GARNL3: variants seen among roughly 807,000 people sequenced by gnomAD.
The protein encoded by GARNL3 is GTPase activating Rap/RanGAP domain like 3.
Under a neutral mutation model 125.0 loss-of-function variants are expected in GARNL3, and 63 were observed. That is an observed-to-expected ratio of 0.50 (90% CI 0.41 to 0.62). GARNL3 has a LOEUF of 0.62. GARNL3 is among the 20% of genes least tolerant of loss of function. The pLI, the probability that GARNL3 is intolerant of heterozygous loss-of-function variation, is 0.00. For synonymous variants in GARNL3, 439 were observed against 457.5 expected (o/e 0.96, Z 0.52); for missense variants, 994 against 1,244.0 (o/e 0.80, Z 3.02).
rs115280613 is a variant in GARNL3 at position 127,369,678 on chromosome 9, G to A, written c.2161+4312G>A. Reference sequence around the variant, plus strand: ...AAAGCAGGGGGAGCACTTTTTCACAGGGGTTGTGAGGCGGTGGGAGAAGAG... The same window carrying A: ...AAAGCAGGGGGAGCACTTTTTCACAAGGGTTGTGAGGCGGTGGGAGAAGAG... On this transcript the variant is annotated intron_variant, in intron 22 of 27. Coordinates refer to ENST00000373387, the MANE Select transcript of GARNL3 (RefSeq NM_032293.5). Among the ~76,000 whole-genome samples, 694 of 152,334 alleles carry A rather than the reference G, an allele frequency of 4.6e-3. 1 individual carries two copies. The highest frequency in any genetic ancestry group is 0.016 in the African/African-American group (665 of 41,566).
At chr9:127,378,468 TC>T (rs897716008) in intron 22 of GARNL3, among the ~76,000 whole-genome samples, 1 of 151,056 alleles carries the variant, frequency 6.6e-6, no homozygotes, top group Non-Finnish European at 1.5e-5. Context: ...GTGCCTGTAA[TC>T]CCAGCTATTC....
intron 1 of GARNL3, among the ~76,000 whole-genome samples, chr9:127,267,729 A>G (rs185548343): frequency 4.2e-4 from 64 of 152,354 alleles, no homozygotes; most frequent in African/African-American, 1.5e-3. Context: ...ATTAAATTAC[A>G]AACCATTATG....
chr9:127,283,799 T>TTTG (rs565876774), intron 1 of GARNL3, among the ~76,000 whole-genome samples: 5 of 152,120 alleles, frequency 3.3e-5, no homozygotes, highest in Non-Finnish European at 5.9e-5. Flanking sequence ...CTTAAGTCGT[T>TTTG]TTGTTGTTGT....
Position 127,243,136 on chromosome 9 carries a change from GA to G in GARNL3, c.31del (p.Ser11ValfsTer3). ...ACCCGTTAACGAAGGTGCCTTGTGGGAGTCAGATAGCACAAACCATTCTATG... is the reference window on the plus strand; with the variant it reads ...ACCCGTTAACGAAGGTGCCTTGTGGGGTCAGATAGCACAAACCATTCTATG... On this transcript the variant is annotated frameshift_variant, in exon 2 of 11. Transcript: ENST00000439286. LOFTEE classifies it high-confidence loss of function. The G allele has an allele frequency of 7.3e-7, 1 of 1,365,652 alleles. No homozygotes were observed. The highest frequency in any genetic ancestry group is 9.8e-7 in the Non-Finnish European group (1 of 1,021,438). The allele number at this position is 1,365,652 out of a possible 1,614,324, so 84.6% of individuals were successfully genotyped here. A position where few individuals can be genotyped will look rare whatever the true frequency, so the allele number is the denominator to read the frequency against.
chr9:127,373,591 C>A (rs1322397845), intron 22 of GARNL3, among the ~76,000 whole-genome samples: 1 of 151,972 alleles, frequency 6.6e-6, no homozygotes, highest in Admixed American at 6.6e-5. Flanking sequence ...ATAGTGAGAC[C>A]CTGGTCTCTA....
At chr9:127,327,496 G>T (rs572883088) in intron 7 of GARNL3, among the ~76,000 whole-genome samples, 1 of 152,174 alleles carries the variant, frequency 6.6e-6, no homozygotes, top group African/African-American at 2.4e-5. Flanking sequence ...AATTGTTGGC[G>T]GGAGTTGCTT....
intron 2 of GARNL3, among the ~76,000 whole-genome samples, chr9:127,293,816 T>TAGGG (rs1272112607): frequency 6.6e-6 from 1 of 152,182 alleles, no homozygotes; most frequent in Non-Finnish European, 1.5e-5. Flanking sequence ...TGCTTTTTGG[T>TAGGG]AGGGAGGACT....
chr9:127,306,845 G>C (rs1032854065), intron 2 of GARNL3, among the ~76,000 whole-genome samples: 3 of 151,904 alleles, frequency 2.0e-5, no homozygotes, highest in African/African-American at 7.3e-5. Flanking sequence ...AGATCACGCC[G>C]CTGCACTCCA....
intron 27 of GARNL3, 111 bp downstream of exon 27, chr9:127,390,878 C>T: frequency 9.1e-7 from 1 of 1,100,818 alleles, no homozygotes; most frequent in Non-Finnish European, 1.3e-6. Flanking sequence ...CTGGCAGCTA[C>T]AGCAGAGGGC....
intron 1 of GARNL3, among the ~76,000 whole-genome samples, chr9:127,241,913 G>A (rs557631329): frequency 3.9e-5 from 6 of 152,164 alleles, no homozygotes; most frequent in East Asian, 1.9e-4. Flanking sequence ...GATTACAGGC[G>A]TGAGCCACTA....
chr9:127,280,027 G>C lies in GARNL3; in HGVS notation c.145-11141G>C, dbSNP rs1405423732. ...GGCTTTTTGCTGCTCTGTACCAGCG[G>C]CTCTAGAATTTATACATAACAGGGG... On this transcript the variant is annotated intron_variant, in intron 1 of 27. Transcript: ENST00000373387. This position sits in a 1 kb window ranked among gnomAD's most constrained non-coding sequence, Gnocchi z 4.5. Among the ~76,000 whole-genome samples, 1 of 152,138 alleles carries C rather than the reference G, an allele frequency of 6.6e-6. No individual in the cohort carries two copies. The highest frequency in any genetic ancestry group is 2.4e-5 in the African/African-American group (1 of 41,414).
chr9:127,244,747 C>A (rs1029438108), intron 2 of GARNL3, among the ~76,000 whole-genome samples: 1 of 152,204 alleles, frequency 6.6e-6, no homozygotes, highest in East Asian at 1.9e-4. Flanking sequence ...GGAACGTAAA[C>A]GGGTCACATC....
chr9:127,286,531 G>A (rs62578793), intron 1 of GARNL3, among the ~76,000 whole-genome samples: 21,019 of 151,980 alleles, frequency 0.14, 1,880 homozygotes, highest in East Asian at 0.21. Flanking sequence ...TCCTCTATTT[G>A]TCTCAAACTG....
Position 127,354,306 on chromosome 9 carries a change from G to C in GARNL3, c.1655G>C (p.Arg552Pro). The change falls in exon 19 of 28, where the codon CGC becomes CCC. Residue 552 changes from arginine (R) to proline (P), a missense_variant. Arg to Pro is a moderately radical substitution (Grantham distance 103, BLOSUM62 -2). Around this residue, in one of 5 missense-constraint regions of GARNL3, gnomAD observed 728 missense variants for 865.7 expected, o/e 0.84. Transcript: ENST00000373387. Reference sequence around the variant, plus strand: ...TTTATGTCACCAGGAAAAGATGCTCGCCTCTTTGTCTTCAGGCTAAGTGCT... The same window carrying C: ...TTTATGTCACCAGGAAAAGATGCTCCCCTCTTTGTCTTCAGGCTAAGTGCT... ...VLRADKGKDA[R>P]LFVFRLSALQ... 6.2e-7 allele frequency: 1 copy of C among 1,613,054 alleles called. No homozygotes were observed. The highest frequency in any genetic ancestry group is 8.5e-7 in the Non-Finnish European group (1 of 1,179,358).
chr9:127,301,369 C>T (rs1257927401), intron 2 of GARNL3, among the ~76,000 whole-genome samples: 1 of 152,112 alleles, frequency 6.6e-6, no homozygotes, highest in Non-Finnish European at 1.5e-5. Flanking sequence ...GCTACTTTGC[C>T]CACCCCCCAT....
chr9:127,333,985 T>A (rs1207883204), intron 9 of GARNL3, among the ~76,000 whole-genome samples: 2 of 152,024 alleles, frequency 1.3e-5, no homozygotes, highest in African/African-American at 4.8e-5. Flanking sequence ...AGGGTTGCCT[T>A]GGGAGAGGGC....
chr9:127,382,509 A>T (rs890539162), intron 22 of GARNL3, among the ~76,000 whole-genome samples: 1 of 151,280 alleles, frequency 6.6e-6, no homozygotes, highest in Non-Finnish European at 1.5e-5. Flanking sequence ...CTACTGGGGG[A>T]TTTAAAGTAG....
chr9:127,301,408 T>C (rs995418352), intron 2 of GARNL3, among the ~76,000 whole-genome samples: 1 of 152,188 alleles, frequency 6.6e-6, no homozygotes, highest in African/African-American at 2.4e-5. Context: ...TGTTTAGCTG[T>C]GGAGCAGCAC....
intron 4 of GARNL3, among the ~76,000 whole-genome samples, chr9:127,316,090 C>T (rs2065233288): frequency 6.6e-6 from 1 of 152,192 alleles, no homozygotes; most frequent in Non-Finnish European, 1.5e-5. Flanking sequence ...AAGAGCTTTA[C>T]CAGTTTGTGG....
Sources: gnomAD v4.1 joint callset for allele counts (sites outside exome capture counted in the v4.1 genomes callset) on GRCh38, gnomAD v4.1.1 for gene constraint, gnomAD v4.1.1 regional missense constraint, Gnocchi (gnomAD v3.1) non-coding constraint, MANE v1.5 for transcripts, NCBI Gene and HGNC (gene_info 2026-07-23, HGNC 2026-07-21) for gene names.